The following CLIC5 variants were observed in gnomAD, a reference collection of about 807,000 sequenced individuals.
The protein encoded by CLIC5 is CLIC family member 5, also known as chloride intracellular channel protein 5.
In CLIC5, 20 loss-of-function variants were observed where a neutral mutation model predicts 24.7. The ratio of observed to expected loss-of-function variants is 0.81; its 90% CI spans 0.57 to 1.18. The LOEUF (loss-of-function observed/expected upper bound fraction) is 1.18, where lower values mean the gene tolerates loss of function less well. Ranked by LOEUF, CLIC5 falls within the 50% of genes most tolerant of loss-of-function variation. The pLI is 0.00. For missense variants in CLIC5, 341 were observed against 326.1 expected, an observed-to-expected ratio of 1.05 and a Z score of -0.35; for synonymous variants, 159 against 135.6, an observed-to-expected ratio of 1.17 and a Z score of -1.20.
intron 1 of CLIC5, among the ~76,000 whole-genome samples, chr6:46,078,965 A>G (rs1009442247): frequency 2.0e-5 from 3 of 152,290 alleles, no homozygotes; most frequent in Admixed American, 2.0e-4. Flanking sequence ...ATGTGAAAAC[A>G]TTTCTAAAAA....
intron 4 of CLIC5, among the ~76,000 whole-genome samples, chr6:45,939,884 G>GCA (rs1202686827): frequency 6.6e-6 from 1 of 151,902 alleles, no homozygotes; most frequent in African/African-American, 2.4e-5. Flanking sequence ...ATTCTGGGGG[G>GCA]ACACTACTCA....
At chr6:45,897,699 A>G (rs1581705918), downstream of CLIC5, among the ~76,000 whole-genome samples, 3 of 152,270 alleles carry the variant, frequency 2.0e-5, no homozygotes, top group Admixed American at 2.0e-4. Flanking sequence ...GGTAAAGCTT[A>G]CTAAGGACTC....
chr6:45,992,888 C>A (rs942608427), intron 1 of CLIC5, among the ~76,000 whole-genome samples: 4 of 152,162 alleles, frequency 2.6e-5, no homozygotes, highest in African/African-American at 9.7e-5. Context: ...TACCCCCCTG[C>A]CTTGAGAATA....
intron 1 of CLIC5, among the ~76,000 whole-genome samples, chr6:45,987,159 G>A (rs918266877): frequency 2.6e-5 from 4 of 152,192 alleles, no homozygotes; most frequent in Non-Finnish European, 4.4e-5. Flanking sequence ...TATGTGGGAA[G>A]CTCTGCAAAA....
intron 3 of CLIC5, among the ~76,000 whole-genome samples, chr6:45,943,898 A>T (rs1462580783): frequency 6.6e-6 from 1 of 152,212 alleles, no homozygotes; most frequent in East Asian, 1.9e-4. Context: ...CGTCTCTAAG[A>T]TGTTAATCTC....
the CLIC5 span, among the ~76,000 whole-genome samples, chr6:46,119,478 C>G: frequency 3.9e-5 from 6 of 152,320 alleles, no homozygotes; most frequent in African/African-American, 1.2e-4. Flanking sequence ...CAAATAGGAA[C>G]AGCTCCAGTC....
Position 45,925,321 on chromosome 6 carries a change from T to TC in CLIC5, c.407-10913_407-10912insG, listed in dbSNP as rs1473148738. 3.3e-5 allele frequency among the ~76,000 whole-genome samples: 5 copies of TC among 151,386 alleles called. No individual in the cohort carries two copies. The East Asian group carries it at 9.7e-4, about 29-fold the overall frequency. On this transcript the variant is annotated intron_variant, in intron 4 of 5. Transcript: ENST00000339561. Reference sequence around the variant, plus strand: ...TGCCAACATGTCATTATTCCGCTTTTTTTTTTTTTTTTTGAGATAGAGTCT... The same window carrying TC: ...TGCCAACATGTCATTATTCCGCTTTTCTTTTTTTTTTTTTGAGATAGAGTCT...
chr6:46,069,494 T>C (rs1397022702), intron 1 of CLIC5, among the ~76,000 whole-genome samples: 1 of 151,604 alleles, frequency 6.6e-6, no homozygotes, highest in South Asian at 2.1e-4. Flanking sequence ...ACATACACCC[T>C]CCCAAGACTG....
intron 1 of CLIC5, among the ~76,000 whole-genome samples, chr6:46,000,572 T>C (rs998455501): frequency 7.9e-5 from 12 of 152,110 alleles, no homozygotes; most frequent in African/African-American, 2.9e-4. Context: ...ACTGGGTAAT[T>C]TATAAAGAAA....
rs1035851358 is a variant in CLIC5, at chr6:45,901,386, A to T, written c.*1702T>A. 2.6e-5 allele frequency: 4 copies of T among 152,068 alleles called. No individual in the cohort carries two copies. The highest frequency in any genetic ancestry group is 9.7e-5 in the African/African-American group (4 of 41,382). The allele number at this position is 152,068 out of a possible 1,614,324, so 9.4% of individuals were successfully genotyped here. A position where few individuals can be genotyped will look rare whatever the true frequency, so the allele number is the denominator to read the frequency against. On this transcript the variant is annotated 3_prime_UTR_variant, in exon 6 of 6. Coordinates refer to ENST00000339561, the MANE Select transcript of CLIC5 (RefSeq NM_016929.5). ...CTCCTGCTTCCTCTCCTCTGATTTG[A>T]TCAATGGGTTACTTTTTTTCTTCAG...
intron 4 of CLIC5, among the ~76,000 whole-genome samples, chr6:45,940,582 T>C (rs542771871): frequency 6.6e-6 from 1 of 152,334 alleles, no homozygotes; most frequent in Admixed American, 6.5e-5. Flanking sequence ...TCTATTCCCT[T>C]GTTTTGGTCC....
chr6:46,019,476 G>A (rs1285114899), upstream of CLIC5, among the ~76,000 whole-genome samples: 4 of 151,390 alleles, frequency 2.6e-5, no homozygotes, highest in African/African-American at 7.3e-5. Context: ...CATGAGGTCA[G>A]GAGATCGAGA....
chr6:45,932,105 A>T (rs1437662754), intron 4 of CLIC5, among the ~76,000 whole-genome samples: 2 of 151,978 alleles, frequency 1.3e-5, no homozygotes, highest in Non-Finnish European at 2.9e-5. Flanking sequence ...ATTTAATTTT[A>T]AAGTTTCTTT....
intron 6 of CLIC5, among the ~76,000 whole-genome samples, chr6:45,888,012 G>C (rs1762320135): frequency 6.6e-6 from 1 of 152,208 alleles, no homozygotes; most frequent in Non-Finnish European, 1.5e-5. Flanking sequence ...AATGAACAAA[G>C]CAGCTTCAGA....
chr6:45,958,433 T>TATATATATATACACACACACACACAC (rs1561964410), intron 1 of CLIC5, among the ~76,000 whole-genome samples: 1 of 4,766 alleles, frequency 2.1e-4, no homozygotes, highest in African/African-American at 3.8e-4. Flanking sequence ...TATATATATA[T>TATATATATATACACACACACACACAC]ATATATATAT....
Position 46,015,317 on chromosome 6 carries a change from G to A in CLIC5, c.63+163C>T, listed in dbSNP as rs377102694. Reference sequence around the variant, plus strand: ...AACCTGCCTTCCTCCATTCCGCCCAGGAGCCTCGCAGCGGGGCGCTGGCCT... The same window carrying A: ...AACCTGCCTTCCTCCATTCCGCCCAAGAGCCTCGCAGCGGGGCGCTGGCCT... On this transcript the variant is annotated intron_variant, in intron 1 of 5. Coordinates refer to ENST00000339561, the MANE Select transcript of CLIC5 (RefSeq NM_016929.5). Among the ~76,000 whole-genome samples, 192 of 152,336 alleles carry A rather than the reference G, an allele frequency of 1.3e-3. 9 individuals are homozygous for A. In the South Asian group the frequency reaches 0.037, roughly 29 times the overall value.
chr6:46,048,781 T>TC (rs1444816973), intron 1 of CLIC5, among the ~76,000 whole-genome samples: 1 of 152,072 alleles, frequency 6.6e-6, no homozygotes, highest in East Asian at 1.9e-4. Flanking sequence ...GCCACTTGTC[T>TC]CCCGGGGGAA....
chr6:46,111,559 C>T, the CLIC5 span, among the ~76,000 whole-genome samples: 2 of 152,208 alleles, frequency 1.3e-5, no homozygotes, highest in Admixed American at 1.3e-4. Flanking sequence ...CAGGTTGATT[C>T]AAGAAGATAT....
chr6:45,903,160 G>A lies in CLIC5; in HGVS notation c.684C>T (p.Thr228=). Residue 228 remains threonine, a synonymous_variant, in exon 6 of 6, where the codon ACC becomes ACT. Transcript: ENST00000339561. ...LKNAYARDEF[T]NTCAADSEIE... is the part of the protein sequence containing the mutation. ...TCTCACTGTCAGCTGCACAGGTGTT[G>A]GTGAACTCATCACGGGCATAGGCGT... 6.2e-7 allele frequency: 1 copy of A among 1,614,132 alleles called. No individual in the cohort carries two copies. Among genetic ancestry groups the A allele is most frequent in the East Asian group, 2.2e-5 (1 of 44,882 alleles).
Sources: gnomAD v4.1 joint callset for allele counts (sites outside exome capture counted in the v4.1 genomes callset) on GRCh38, gnomAD v4.1.1 for gene constraint, MANE v1.5 for transcripts, NCBI Gene and HGNC (gene_info 2026-07-23, HGNC 2026-07-21) for gene names.